The following RELN variants were observed in gnomAD, a reference collection of about 807,000 sequenced individuals.
RELN encodes reelin.
Under a neutral mutation model 427.6 loss-of-function variants are expected in RELN, and 108 were observed. The observed-to-expected ratio is 0.25, with a 90% CI of 0.22 to 0.30. RELN has a LOEUF of 0.30. Among genes scored for constraint, RELN ranks in the 10% least tolerant of loss-of-function variants. The pLI is 1.00. For synonymous variants in RELN, 1,524 were observed against 1,513.4 expected (o/e 1.01, Z -0.16); for missense variants, 3,715 against 4,302.8 (o/e 0.86, Z 3.82).
At chr7:103,659,521 A>G (rs1257874129) in intron 12 of RELN, among the ~76,000 whole-genome samples, 1 of 152,062 alleles carries the variant, frequency 6.6e-6, no homozygotes, top group African/African-American at 2.4e-5. Flanking sequence ...CCCTTTTTTC[A>G]TAATGGCTTA....
intron 46 of RELN, among the ~76,000 whole-genome samples, chr7:103,530,098 A>G (rs74487040): frequency 0.034 from 5,162 of 152,054 alleles, 308 homozygotes; most frequent in African/African-American, 0.12. Flanking sequence ...CTATTACTCT[A>G]TGTTCATGCC....
At chr7:103,975,562 T>TTTATTTATTTAC (rs1796858239) in intron 1 of RELN, among the ~76,000 whole-genome samples, 2 of 150,150 alleles carry the variant, frequency 1.3e-5, no homozygotes, top group Admixed American at 1.3e-4. Context: ...TATTTATTTA[T>TTTATTTATTTAC]TTTGAGACGG....
intron 11 of RELN, among the ~76,000 whole-genome samples, chr7:103,678,728 A>G (rs1375735011): frequency 6.6e-6 from 1 of 152,210 alleles, no homozygotes; most frequent in Non-Finnish European, 1.5e-5. Context: ...AAACATTGCT[A>G]AAGAGATGAA....
intron 63 of RELN, among the ~76,000 whole-genome samples, chr7:103,479,938 A>G (rs188348193): frequency 1.3e-5 from 2 of 152,306 alleles, no homozygotes; most frequent in East Asian, 3.9e-4. Flanking sequence ...CTATGGTAAT[A>G]AAGTTAGATT....
intron 6 of RELN, among the ~76,000 whole-genome samples, chr7:103,743,718 C>G (rs1790734364): frequency 6.6e-6 from 1 of 152,104 alleles, no homozygotes; most frequent in Non-Finnish European, 1.5e-5. Context: ...GCTAACTATC[C>G]TAAATATATA....
chr7:103,590,505 A>C (rs1831385433), intron 27 of RELN, among the ~76,000 whole-genome samples: 1 of 152,112 alleles, frequency 6.6e-6, no homozygotes, highest in Non-Finnish European at 1.5e-5. Context: ...GGTTGCAGTG[A>C]GCTGAGATCA....
intron 1 of RELN, among the ~76,000 whole-genome samples, chr7:103,923,584 C>G (rs1288552547): frequency 6.6e-6 from 1 of 152,128 alleles, no homozygotes; most frequent in Non-Finnish European, 1.5e-5. Context: ...ATAATAAATT[C>G]AGTTTATTCC....
chr7:103,630,630 A>G (rs1239901694), intron 19 of RELN, among the ~76,000 whole-genome samples: 2 of 152,180 alleles, frequency 1.3e-5, no homozygotes, highest in African/African-American at 4.8e-5. Flanking sequence ...AATTTCCAGG[A>G]GCGATTATTG....
At chr7:103,719,226 C>T (rs1790014760) in intron 8 of RELN, among the ~76,000 whole-genome samples, 1 of 152,098 alleles carries the variant, frequency 6.6e-6, no homozygotes, top group Non-Finnish European at 1.5e-5. Flanking sequence ...AGCTACCAGG[C>T]CCAGTTCCTC....
In RELN at chr7:103,813,675, A is replaced by G. The variant is rs529572828; in HGVS notation, c.473+19862T>C. On this transcript the variant is annotated intron_variant, in intron 3 of 64. Transcript: ENST00000428762. ...AGATGAATCCAGAAAACTGAATCTT[A>G]TGCCATGAGCATAGCAAGAAAATCT... Among the ~76,000 whole-genome samples the G allele has an allele frequency of 5.1e-4, 77 of 152,278 alleles. No individual in the cohort carries two copies. In the South Asian group the frequency reaches 0.014, roughly 27 times the overall value.
chr7:103,497,875 G>A lies in RELN; in HGVS notation c.8895C>T (p.Cys2965=), dbSNP rs901430026. 5.0e-6 allele frequency: 8 copies of A among 1,613,988 alleles called. No individual in the cohort carries two copies. Among genetic ancestry groups the A allele is most frequent in the Non-Finnish European group, 5.9e-6 (7 of 1,180,022 alleles). ...CTTCCTTCCGGCAGATGGGACGATG[G>A]CAAGAGGTCATGTTGTTCTCACTAC... The part of the protein sequence containing the change: ...RIGSENNMTS[C]HRPICRKEGV... Residue 2965 remains cysteine, a synonymous_variant, in exon 55 of 65, where the codon TGC becomes TGT. Transcript: ENST00000428762.
At chr7:103,863,819 A>ATT (rs202089383) in intron 2 of RELN, among the ~76,000 whole-genome samples, 21,565 of 147,860 alleles carry the variant, frequency 0.15, 1,792 homozygotes, top group East Asian at 0.34. Context: ...TTTGCAATCA[A>ATT]TTTTTTTTTT....
At chr7:103,866,041 T>G (rs1766701050) in intron 2 of RELN, among the ~76,000 whole-genome samples, 2 of 152,158 alleles carry the variant, frequency 1.3e-5, no homozygotes, top group Non-Finnish European at 2.9e-5. Context: ...AGATTATTAC[T>G]AATATTTTAT....
At chr7:103,983,773 C>T (rs1430710403) in intron 1 of RELN, among the ~76,000 whole-genome samples, 1 of 152,142 alleles carries the variant, frequency 6.6e-6, no homozygotes, top group Non-Finnish European at 1.5e-5. Flanking sequence ...CCTGCCCATT[C>T]CAACCTAATG....
At chr7:103,926,627 GTTTTTTTTTTTTTTTTTTTT>G (rs60259062) in intron 1 of RELN, among the ~76,000 whole-genome samples, 13,309 of 100,160 alleles carry the variant, frequency 0.13, 1,371 homozygotes, top group African/African-American at 0.31. Flanking sequence ...AGTATCATAA[GTTTTTTTTTTTTTTTTTTTT>G]TTTTTTTTTT....
chr7:103,479,449 C>A (rs1828152134), intron 63 of RELN, among the ~76,000 whole-genome samples: 1 of 152,132 alleles, frequency 6.6e-6, no homozygotes, highest in South Asian at 2.1e-4. Context: ...GCTAGTGAGG[C>A]TGGAAAAATA....
intron 7 of RELN, among the ~76,000 whole-genome samples, chr7:103,726,069 G>C (rs577474613): frequency 7.0e-4 from 106 of 152,262 alleles, no homozygotes; most frequent in African/African-American, 2.5e-3. Context: ...ACTTTCATTA[G>C]TTCTCATGCA....
rs562047864 is a variant in RELN, at chr7:103,543,022, C to A, written c.6524-144G>T. ...TAAAGTCATGTTTTAGGATAAGAGG[C>A]CTTTTCAACATTTCAGCTTGTTTGA... On this transcript the variant is annotated intron_variant, in intron 42 of 64. Coordinates refer to ENST00000428762, the MANE Select transcript of RELN (RefSeq NM_005045.4). 17 of 837,682 alleles carry A rather than the reference C, an allele frequency of 2.0e-5. 1 individual carries two copies. The South Asian group carries it at 2.2e-4, about 11-fold the overall frequency. 51.9% of individuals were successfully genotyped at this position (837,682 alleles called of 1,614,324 possible).
At chr7:103,526,070 G>T (rs1185073910) in intron 46 of RELN, among the ~76,000 whole-genome samples, 3 of 152,166 alleles carry the variant, frequency 2.0e-5, no homozygotes, top group Non-Finnish European at 2.9e-5. Context: ...CTGTGGAGGG[G>T]TGGTAATCTG....
Sources: gnomAD v4.1 joint callset for allele counts (sites outside exome capture counted in the v4.1 genomes callset) on GRCh38, gnomAD v4.1.1 for gene constraint, MANE v1.5 for transcripts, NCBI Gene and HGNC (gene_info 2026-07-23, HGNC 2026-07-21) for gene names.